The following DHRSX variants were observed in gnomAD, a reference collection of about 807,000 sequenced individuals.
DHRSX encodes polyprenol dehydrogenase.
A neutral mutation model predicts 34.0 loss-of-function variants in DHRSX; 31 were observed. That is an observed-to-expected ratio of 0.91 (90% CI 0.69 to 1.23). The LOEUF (loss-of-function observed/expected upper bound fraction) is 1.23. DHRSX is among the 50% of genes most tolerant of loss of function. DHRSX has a pLI of 0.00. For synonymous variants in DHRSX, 201 were observed against 183.8 expected (o/e 1.09, Z -0.76); for missense variants, 414 against 428.1 (o/e 0.97, Z 0.29).
intron 3 of DHRSX, among the ~76,000 whole-genome samples, chrX:2,292,812 ATAGT>A (rs1190496082): frequency 9.2e-5 from 14 of 151,818 alleles, no homozygotes; most frequent in Admixed American, 6.6e-4. Flanking sequence ...CTTGCTACAG[ATAGT>A]AAGTATGAGC....
intron 6 of DHRSX, among the ~76,000 whole-genome samples, chrX:2,225,398 A>T (rs2015633679): frequency 1.3e-5 from 2 of 152,190 alleles, no homozygotes; most frequent in Admixed American, 1.3e-4. Context: ...ACACATGCTC[A>T]TCCACGTGTA....
At chrX:2,310,391 T>C (rs1431773720) in intron 3 of DHRSX, among the ~76,000 whole-genome samples, 2 of 151,936 alleles carry the variant, frequency 1.3e-5, no homozygotes, top group African/African-American at 4.8e-5. Flanking sequence ...AAAATAAAGG[T>C]GAAATACCAG....
intron 3 of DHRSX, among the ~76,000 whole-genome samples, chrX:2,372,450 C>G (rs1310560282): frequency 6.6e-6 from 1 of 152,064 alleles, no homozygotes; most frequent in Admixed American, 6.6e-5. Flanking sequence ...AACCGAATCA[C>G]AAATGAAACA....
chrX:2,390,452 T>A (rs866797833), intron 3 of DHRSX, among the ~76,000 whole-genome samples: 10 of 148,894 alleles, frequency 6.7e-5, no homozygotes, highest in Admixed American at 3.4e-4. Context: ...TTTTTTTTTT[T>A]ATAATTTTGA....
At chrX:2,333,939 T>C (rs1199216663) in intron 3 of DHRSX, among the ~76,000 whole-genome samples, 2 of 152,210 alleles carry the variant, frequency 1.3e-5, no homozygotes, top group Non-Finnish European at 2.9e-5. Context: ...TGTTCTTTTT[T>C]ACAGCTGCAC....
intron 3 of DHRSX, among the ~76,000 whole-genome samples, chrX:2,375,651 T>A (rs2043132778): frequency 7.3e-6 from 1 of 136,158 alleles, no homozygotes; most frequent in African/African-American, 2.5e-5. Context: ...GGTTGGTTTT[T>A]GAGACAGAGT....
chrX:2,464,766 CCTA>C (rs1399449956), intron 1 of DHRSX, among the ~76,000 whole-genome samples: 1 of 151,038 alleles, frequency 6.6e-6, no homozygotes, highest in Non-Finnish European at 1.5e-5. Context: ...GAAGACGTTC[CCTA>C]AGCTTACGGC....
At chrX:2,330,504 A>G (rs1259346565) in intron 3 of DHRSX, among the ~76,000 whole-genome samples, 2 of 129,562 alleles carry the variant, frequency 1.5e-5, no homozygotes, top group Non-Finnish European at 3.2e-5. Context: ...CTGGCAACAG[A>G]GTGAGACTCC....
intron 4 of DHRSX, among the ~76,000 whole-genome samples, chrX:2,282,880 A>T (rs2041744307): frequency 7.6e-6 from 1 of 131,224 alleles, no homozygotes; most frequent in African/African-American, 3.1e-5. Flanking sequence ...AGGGGGAGAG[A>T]GGGAGGGAGG....
chrX:2,395,479 C>T (rs2043397948), intron 3 of DHRSX, among the ~76,000 whole-genome samples: 1 of 152,100 alleles, frequency 6.6e-6, no homozygotes, highest in African/African-American at 2.4e-5. Context: ...CCCTTTTTCC[C>T]ATAGAGAGGC....
intron 3 of DHRSX, among the ~76,000 whole-genome samples, chrX:2,358,121 G>A (rs1354910553): frequency 6.6e-6 from 1 of 152,142 alleles, no homozygotes; most frequent in Non-Finnish European, 1.5e-5. Flanking sequence ...AAGTTACTCA[G>A]TTGAGAAACG....
intron 5 of DHRSX, among the ~76,000 whole-genome samples, chrX:2,248,309 C>G (rs1471817576): frequency 6.6e-6 from 1 of 151,612 alleles, no homozygotes; most frequent in African/African-American, 2.4e-5. Context: ...GGTGGGCGCC[C>G]GTAGTCCTAG....
chrX:2,321,106 C>T (rs966726763), intron 3 of DHRSX, among the ~76,000 whole-genome samples: 6 of 152,036 alleles, frequency 3.9e-5, no homozygotes, highest in African/African-American at 9.7e-5. Context: ...GGGCTTGTGG[C>T]GTGGCTGTCC....
intron 3 of DHRSX, among the ~76,000 whole-genome samples, chrX:2,372,894 C>G (rs9785504): frequency 0.65 from 98,242 of 151,954 alleles, 32,214 homozygotes; most frequent in African/African-American, 0.7. Flanking sequence ...TTACAGGCGT[C>G]AGCCACCGCG....
At chrX:2,369,832 C>T (rs536023829) in intron 3 of DHRSX, among the ~76,000 whole-genome samples, 4 of 151,936 alleles carry the variant, frequency 2.6e-5, no homozygotes, top group South Asian at 4.2e-4. Flanking sequence ...TTAGTAGAGA[C>T]GGGTTTCACC....
At chrX:2,289,438 G>C (rs1013987146) in intron 4 of DHRSX, among the ~76,000 whole-genome samples, 1 of 152,044 alleles carries the variant, frequency 6.6e-6, no homozygotes, top group Non-Finnish European at 1.5e-5. Flanking sequence ...AATTTTTTCT[G>C]CTTACTGGTG....
intron 1 of DHRSX, among the ~76,000 whole-genome samples, chrX:2,453,170 C>G (rs751807169): frequency 6.6e-6 from 1 of 152,184 alleles, no homozygotes; most frequent in Non-Finnish European, 1.5e-5. Context: ...AAAAGCTGAA[C>G]ACATAAATGC....
chrX:2,291,485 A>T lies in DHRSX; in HGVS notation c.388+17T>A, dbSNP rs1367410625. The T allele has an allele frequency of 1.2e-6, 2 of 1,603,576 alleles. No individual in the cohort carries two copies. Among genetic ancestry groups the T allele is most frequent in the Non-Finnish European group, 1.7e-6 (2 of 1,171,868 alleles). On this transcript the variant is annotated intron_variant, in intron 4 of 6. Transcript: ENST00000334651. ...TCAAATTAACCCCTGGCTTGCTGCA[A>T]TTTCACCAGGACTCACCATTGTTGA...
rs768200238 is a variant in DHRSX, at chrX:2,272,468, C to T, written c.389-5521G>A. On this transcript the variant is annotated intron_variant, in intron 4 of 6. Coordinates refer to ENST00000334651, the MANE Select transcript of DHRSX (RefSeq NM_145177.3). ...AGTCTACGCCCCTTCCCTTGAATCTCGGCCATGCTCATTAACTTTCTCGTT... is the reference window on the plus strand; with the variant it reads ...AGTCTACGCCCCTTCCCTTGAATCTTGGCCATGCTCATTAACTTTCTCGTT... Among the ~76,000 whole-genome samples the T allele has an allele frequency of 1.6e-4, 24 of 152,288 alleles. No individual in the cohort carries two copies. The South Asian group carries it at 4.1e-3, about 26-fold the overall frequency.
Sources: gnomAD v4.1 joint callset for allele counts (sites outside exome capture counted in the v4.1 genomes callset) on GRCh38, gnomAD v4.1.1 for gene constraint, MANE v1.5 for transcripts, NCBI Gene and HGNC (gene_info 2026-07-23, HGNC 2026-07-21) for gene names.